The following EVC2 variants were observed in gnomAD, a reference collection of about 807,000 sequenced individuals.
EVC2 encodes EvC ciliary complex subunit 2.
Under a neutral mutation model 149.3 loss-of-function variants are expected in EVC2, and 148 were observed. The observed-to-expected ratio is 0.99, with a 90% confidence interval of 0.87 to 1.14. The LOEUF is 1.14. EVC2 is among the 50% of genes most tolerant of loss of function. EVC2 has a pLI of 0.00. For missense variants in EVC2, 1,854 were observed against 1,627.3 expected (o/e 1.14, Z -2.40); for synonymous variants, 776 against 649.9 (o/e 1.19, Z -2.95).
intron 7 of EVC2, among the ~76,000 whole-genome samples, chr4:5,668,348 T>G (rs192045507): frequency 1.3e-5 from 2 of 152,340 alleles, no homozygotes; most frequent in Admixed American, 1.3e-4. Context: ...CACTTATAAC[T>G]CATCTTTGAT....
rs766046354 is a variant in EVC2 at position 5,640,709 on chromosome 4, C to A, written c.1275G>T (p.Glu425Asp). Reference sequence around the variant, plus strand: ...TTTTGAAAACAGCACTCATTTTTCTCTCTACTTGGGGTGAGAGGTGGCCAC... The same window carrying A: ...TTTTGAAAACAGCACTCATTTTTCTATCTACTTGGGGTGAGAGGTGGCCAC... Reference protein sequence around the residue: ...TSSGHLSPQVERKMSAVFKKQ... With the variant: ...TSSGHLSPQVDRKMSAVFKKQ... The change falls in exon 10 of 22, where the codon GAG becomes GAT. Residue 425 changes from glutamate (E) to aspartate (D), a missense_variant. By Grantham distance (45) the Glu-to-Asp change is conservative (BLOSUM62 2). Coordinates refer to ENST00000344408, the MANE Select transcript of EVC2 (RefSeq NM_147127.5). The surrounding 1 kb of genome is among the most constrained non-coding windows in gnomAD (Gnocchi z 4.6). The A allele has an allele frequency of 1.2e-6, 2 of 1,614,154 alleles. No homozygotes were observed. Among genetic ancestry groups the A allele is most frequent in the South Asian group, 2.2e-5 (2 of 91,070 alleles).
chr4:5,614,413 C>T lies in EVC2; in HGVS notation c.2829+1009G>A, dbSNP rs905247837. On this transcript the variant is annotated intron_variant, in intron 16 of 21. Transcript: ENST00000344408. The surrounding 1 kb of genome is among the most constrained non-coding windows in gnomAD (Gnocchi z 4.7). ...AGCGCCTGGGACACTGTTGCCTCCC[C>T]AAAATACTTGTGGAACAAATTAACC... Among the ~76,000 whole-genome samples the T allele has an allele frequency of 6.6e-6, 1 of 151,996 alleles. No homozygotes were observed. Among genetic ancestry groups the T allele is most frequent in the Admixed American group, 6.6e-5 (1 of 15,256 alleles).
At chr4:5,650,636 T>TAGAGAGAGAGAG (rs1412059399) in intron 9 of EVC2, among the ~76,000 whole-genome samples, 30 of 55,662 alleles carry the variant, frequency 5.4e-4, no homozygotes, top group Non-Finnish European at 8.6e-4. Flanking sequence ...TATATATATA[T>TAGAGAGAGAGAG]ATAGAGAGAG....
At chr4:5,659,088 G>A (rs1035069384) in intron 9 of EVC2, among the ~76,000 whole-genome samples, 2 of 152,082 alleles carry the variant, frequency 1.3e-5, no homozygotes, top group African/African-American at 2.4e-5. Context: ...AAACCACCAC[G>A]CACACCTCGG....
chr4:5,574,303 G>C (rs1285002329), intron 19 of EVC2, among the ~76,000 whole-genome samples: 1 of 152,238 alleles, frequency 6.6e-6, no homozygotes, highest in Non-Finnish European at 1.5e-5. Context: ...CACTCAGAGA[G>C]GTGTAGTGTG....
At chr4:5,687,890 C>T (rs1720832924) in intron 5 of EVC2, among the ~76,000 whole-genome samples, 1 of 152,124 alleles carries the variant, frequency 6.6e-6, no homozygotes, top group Non-Finnish European at 1.5e-5. Context: ...ATCTCTACGA[C>T]TCCACAATGG....
the EVC2 span, among the ~76,000 whole-genome samples, chr4:5,534,234 A>G: frequency 6.6e-6 from 1 of 152,286 alleles, no homozygotes. Flanking sequence ...AAGCTGTGAG[A>G]GAATGACATG....
rs1392742481 is a variant in EVC2, at chr4:5,706,411, T to C, written c.228+1875A>G. On this transcript the variant is annotated intron_variant, in intron 1 of 21. Coordinates refer to ENST00000344408, the MANE Select transcript of EVC2 (RefSeq NM_147127.5). ...ATAGATACATAGATAGATAGATAGATACATAGATAGATAGATACATAGATA... is the reference window on the plus strand; with the variant it reads ...ATAGATACATAGATAGATAGATAGACACATAGATAGATAGATACATAGATA... Among the ~76,000 whole-genome samples, 99 of 135,842 alleles carry C rather than the reference T, an allele frequency of 7.3e-4. 2 individuals carry two copies. Among genetic ancestry groups the C allele is most frequent in the South Asian group, 1.9e-3 (8 of 4,218 alleles). 89.1% of individuals were successfully genotyped at this position (135,842 alleles called of 152,430 possible). A position where few individuals can be genotyped will look rare whatever the true frequency, so the allele number is the denominator to read the frequency against.
At chr4:5,575,921 C>T (rs1722896179) in intron 18 of EVC2, among the ~76,000 whole-genome samples, 1 of 152,140 alleles carries the variant, frequency 6.6e-6, no homozygotes, top group Middle Eastern at 3.2e-3. Context: ...CAGATGTTTC[C>T]AAGAAGGAAA....
At chr4:5,654,783 G>A (rs1175702356) in intron 9 of EVC2, among the ~76,000 whole-genome samples, 1 of 152,178 alleles carries the variant, frequency 6.6e-6, no homozygotes, top group East Asian at 1.9e-4. Context: ...GTTGAGTCAG[G>A]CCCCTATGGC....
intron 15 of EVC2, among the ~76,000 whole-genome samples, chr4:5,615,827 C>A (rs1246001188): frequency 6.6e-6 from 1 of 152,180 alleles, no homozygotes; most frequent in Non-Finnish European, 1.5e-5. Context: ...AGACCCAAGG[C>A]GTGTCCACCT....
intron 16 of EVC2, among the ~76,000 whole-genome samples, chr4:5,593,883 C>T (rs538880350): frequency 4.6e-5 from 7 of 152,302 alleles, no homozygotes; most frequent in Admixed American, 6.5e-5. Flanking sequence ...TGCGCTTTTC[C>T]GAAGGGCTTA....
At chr4:5,540,869 C>A (rs1051010505), downstream of EVC2, among the ~76,000 whole-genome samples, 3 of 152,116 alleles carry the variant, frequency 2.0e-5, no homozygotes, top group Non-Finnish European at 4.4e-5. Flanking sequence ...CAATGTCTCA[C>A]CCATCAGATC....
At chr4:5,607,668 C>G (rs1714496507) in intron 16 of EVC2, among the ~76,000 whole-genome samples, 3 of 152,114 alleles carry the variant, frequency 2.0e-5, no homozygotes, top group Admixed American at 2.0e-4. Flanking sequence ...TCATACAAGT[C>G]TTTCTGAATT....
chr4:5,672,320 C>T (rs557945169), intron 7 of EVC2, among the ~76,000 whole-genome samples: 2 of 152,318 alleles, frequency 1.3e-5, no homozygotes, highest in South Asian at 4.1e-4. Flanking sequence ...CCTTCGAGAG[C>T]AGGTTAGGGA....
At chr4:5,659,405 GAA>G (rs60976903) in intron 9 of EVC2, among the ~76,000 whole-genome samples, 51 of 107,328 alleles carry the variant, frequency 4.8e-4, no homozygotes, top group African/African-American at 7.7e-4. Flanking sequence ...TGCTATAATT[GAA>G]AAAAAAAAAA....
At chr4:5,578,295 C>T (rs1346524069) in intron 17 of EVC2, among the ~76,000 whole-genome samples, 1 of 152,124 alleles carries the variant, frequency 6.6e-6, no homozygotes, top group Middle Eastern at 3.2e-3. Context: ...ACAATAACAA[C>T]AATGATGATG....
chr4:5,548,155 A>G (rs1022102723), intron 21 of EVC2, among the ~76,000 whole-genome samples: 9 of 152,038 alleles, frequency 5.9e-5, no homozygotes, highest in African/African-American at 2.2e-4. Context: ...TTTGGCAGGC[A>G]TGGGATCTAG....
At chr4:5,701,170 C>T (rs937001467) in intron 1 of EVC2, among the ~76,000 whole-genome samples, 1 of 152,218 alleles carries the variant, frequency 6.6e-6, no homozygotes, top group Non-Finnish European at 1.5e-5. Flanking sequence ...GTCCTTCTCA[C>T]GTTGCATCTC....
Sources: gnomAD v4.1 joint callset for allele counts (sites outside exome capture counted in the v4.1 genomes callset) on GRCh38, gnomAD v4.1.1 for gene constraint, Gnocchi (gnomAD v3.1) non-coding constraint, MANE v1.5 for transcripts, NCBI Gene and HGNC (gene_info 2026-07-23, HGNC 2026-07-21) for gene names.